Variants in PCNX4 observed in about 807,000 individuals in gnomAD.
The protein encoded by PCNX4 is pecanex-like protein 4.
Under a neutral mutation model 107.2 loss-of-function variants are expected in PCNX4, and 103 were observed. The ratio of observed to expected loss-of-function variants is 0.96; its 90% CI spans 0.82 to 1.13. The LOEUF (loss-of-function observed/expected upper bound fraction) is 1.13. Ranked by LOEUF, PCNX4 falls within the 50% of genes most tolerant of loss-of-function variation. The pLI, the probability that PCNX4 is intolerant of heterozygous loss-of-function variation, is 0.00. For missense variants in PCNX4, 1,528 were observed against 1,379.4 expected (o/e 1.11, Z -1.71); for synonymous variants, 541 against 481.7 (o/e 1.12, Z -1.61).
chr14:60,130,671 A>G (rs1372181937), intron 10 of PCNX4, among the ~76,000 whole-genome samples: 2 of 152,196 alleles, frequency 1.3e-5, no homozygotes, highest in African/African-American at 2.4e-5. Flanking sequence ...AACATATAGG[A>G]ATGTAATTTG....
chr14:60,112,964 A>G (rs1895767252), intron 2 of PCNX4, among the ~76,000 whole-genome samples: 3 of 152,214 alleles, frequency 2.0e-5, no homozygotes, highest in Admixed American at 6.5e-5. Context: ...CAGGCGGATA[A>G]CGAGGTCAAG....
intron 1 of PCNX4, among the ~76,000 whole-genome samples, chr14:60,095,203 G>T (rs1324048299): frequency 6.6e-6 from 1 of 152,184 alleles, no homozygotes; most frequent in Non-Finnish European, 1.5e-5. Context: ...TAAGAGGTGG[G>T]TAGGGGCAAA....
rs1227252504 is a variant in PCNX4, at chr14:60,140,181, T to C, written c.*5960T>C. On this transcript the variant is annotated 3_prime_UTR_variant, in exon 11 of 11. Transcript: ENST00000406854. This position sits in a 1 kb window ranked among gnomAD's most constrained non-coding sequence, Gnocchi z 4.2. ...ACAACCAATATCAGGAATGAAAGGA[T>C]ATTACAAATCCTAGAGTCATCTGAC... 4 of 152,166 alleles carry C rather than the reference T, an allele frequency of 2.6e-5. No individual in the cohort carries two copies. The highest frequency in any genetic ancestry group is 2.6e-4 in the Admixed American group (4 of 15,278). 9.4% of individuals were successfully genotyped at this position (152,166 alleles called of 1,614,324 possible). A position where few individuals can be genotyped will look rare whatever the true frequency, so the allele number is the denominator to read the frequency against.
chr14:60,094,655 C>T (rs1895385575), intron 1 of PCNX4, among the ~76,000 whole-genome samples: 1 of 151,334 alleles, frequency 6.6e-6, no homozygotes, highest in African/African-American at 2.5e-5. Flanking sequence ...CAGACCCCTC[C>T]TGCCCATACC....
At chr14:60,113,515 C>T (rs1295656355) in intron 2 of PCNX4, among the ~76,000 whole-genome samples, 1 of 151,974 alleles carries the variant, frequency 6.6e-6, no homozygotes, top group East Asian at 1.9e-4. Flanking sequence ...ATTACAGGCA[C>T]CCACCACCAC....
chr14:60,096,277 G>A (rs983269684), intron 1 of PCNX4, among the ~76,000 whole-genome samples: 2 of 152,124 alleles, frequency 1.3e-5, no homozygotes, highest in African/African-American at 4.8e-5. Context: ...AAAGCCATAC[G>A]GTTTTGCAGC....
intron 4 of PCNX4, 44 bp downstream of exon 4, chr14:60,115,505 C>T: frequency 2.0e-6 from 3 of 1,495,738 alleles, no homozygotes; most frequent in Non-Finnish European, 2.7e-6. Flanking sequence ...AAATCATATC[C>T]TGGAAGTATT....
chr14:60,130,667 T>C (rs1896138114), intron 10 of PCNX4, among the ~76,000 whole-genome samples: 1 of 152,146 alleles, frequency 6.6e-6, no homozygotes, highest in East Asian at 1.9e-4. Flanking sequence ...CTATAACATA[T>C]AGGAATGTAA....
In PCNX4 at chr14:60,143,838, C is replaced by T. The variant is rs1566526938; in HGVS notation, c.*9617C>T. Reference sequence around the variant, plus strand: ...TAGATAAGGACCATGTTTTTCTTTACCTGTTACTCCTGCTGATTTCCTATT... The same window carrying T: ...TAGATAAGGACCATGTTTTTCTTTATCTGTTACTCCTGCTGATTTCCTATT... On this transcript the variant is annotated 3_prime_UTR_variant, in exon 11 of 11. Transcript: ENST00000406854. 1 of 152,200 alleles carries T rather than the reference C, an allele frequency of 6.6e-6. No homozygotes were observed. 9.4% of individuals were successfully genotyped at this position (152,200 alleles called of 1,614,324 possible). A position where few individuals can be genotyped will look rare whatever the true frequency, so the allele number is the denominator to read the frequency against.
intron 10 of PCNX4, among the ~76,000 whole-genome samples, chr14:60,130,702 G>A (rs1896138791): frequency 6.6e-6 from 1 of 152,116 alleles, no homozygotes; most frequent in Non-Finnish European, 1.5e-5. Flanking sequence ...CACAAAGGAA[G>A]CCAGTAGAGG....
In PCNX4 at chr14:60,117,924, G is replaced by A. The variant is rs77598492; in HGVS notation, c.1579-405G>A. ...GCCATCTGAGCCTCAGCTTCTCTCTGTGGGTAGTTTTTAAATTATTCAATC... is the reference window on the plus strand; with the variant it reads ...GCCATCTGAGCCTCAGCTTCTCTCTATGGGTAGTTTTTAAATTATTCAATC... On this transcript the variant is annotated intron_variant, in intron 6 of 10. Transcript: ENST00000406854. Among the ~76,000 whole-genome samples the A allele has an allele frequency of 6.5e-3, 994 of 152,238 alleles. 12 individuals carry two copies. Among genetic ancestry groups the A allele is most frequent in the African/African-American group, 0.023 (944 of 41,556 alleles).
chr14:60,094,291 G>T (rs1166706049), intron 1 of PCNX4, among the ~76,000 whole-genome samples: 1 of 138,000 alleles, frequency 7.2e-6, no homozygotes, highest in Admixed American at 7.8e-5. Flanking sequence ...ATTCCTCTTG[G>T]ACCCACTTTT....
In PCNX4 at chr14:60,137,718, T is replaced by C. The variant is rs1896255800; in HGVS notation, c.*3497T>C. The C allele has an allele frequency of 6.6e-6, 1 of 152,128 alleles. No homozygotes were observed. The highest frequency in any genetic ancestry group is 1.5e-5 in the Non-Finnish European group (1 of 68,022). 9.4% of individuals were successfully genotyped at this position (152,128 alleles called of 1,614,324 possible). A position where few individuals can be genotyped will look rare whatever the true frequency, so the allele number is the denominator to read the frequency against. Reference sequence around the variant, plus strand: ...GATCTAAAACACAAGATTGAGAATTTCAGCAGAAAATCAGAAACTATATAG... The same window carrying C: ...GATCTAAAACACAAGATTGAGAATTCCAGCAGAAAATCAGAAACTATATAG... On this transcript the variant is annotated 3_prime_UTR_variant, in exon 11 of 11. Transcript: ENST00000406854.
chr14:60,121,086 C>T (rs1480418948), intron 7 of PCNX4, 110 bp from the exon 8 acceptor site: 17 of 1,316,748 alleles, frequency 1.3e-5, no homozygotes, highest in South Asian at 6.5e-5. Context: ...GGGTAGGAGT[C>T]GTGAATCAGT....
rs547835037 is a variant in PCNX4, at chr14:60,124,307, A to G, written c.2136A>G (p.Thr712=). The change falls in exon 9 of 11, where the codon ACA becomes ACG. Residue 712 remains threonine (T), a synonymous_variant. Coordinates refer to ENST00000406854, the MANE Select transcript of PCNX4 (RefSeq NM_001330177.2). ...VFEDAFEQEY[T]RVCSLNEHFG... is the part of the protein sequence containing the mutation. ...AAGATGCTTTTGAGCAAGAATACAC[A>G]AGAGTATGTTCCCTTAATGAACACT... 2 of 1,610,708 alleles carry G rather than the reference A, an allele frequency of 1.2e-6. No homozygotes were observed. The highest frequency in any genetic ancestry group is 2.2e-5 in the South Asian group (2 of 90,668).
At chr14:60,130,244 G>A (rs920937355) in intron 10 of PCNX4, among the ~76,000 whole-genome samples, 1 of 151,432 alleles carries the variant, frequency 6.6e-6, no homozygotes, top group Non-Finnish European at 1.5e-5. Context: ...GGAGGCTGAA[G>A]TGGGAAGATT....
At position 60,121,242 on chromosome 14, in the gene PCNX4, T is replaced by G; in HGVS notation, c.1989T>G (p.Arg663=). The part of the protein sequence containing the change: ...GSHYLGRFQD[R]LMWIMILECG... The stretch of plus-strand genomic sequence containing the variant: ...ATTACTTGGGCCGTTTTCAGGATCG[T>G]TTAATGTGGATAATGATTCTGGAAT... Residue 663 remains arginine, a synonymous_variant, in exon 8 of 11, where the codon CGT becomes CGG. Coordinates refer to ENST00000406854, the MANE Select transcript of PCNX4 (RefSeq NM_001330177.2). 6.2e-7 allele frequency: 1 copy of G among 1,609,768 alleles called. No individual in the cohort carries two copies. Among genetic ancestry groups the G allele is most frequent in the Non-Finnish European group, 8.5e-7 (1 of 1,177,658 alleles).
rs1384547314 is a variant in PCNX4 at position 60,125,824 on chromosome 14, G to A, written c.3267+1G>A. 1.9e-6 allele frequency: 3 copies of A among 1,587,594 alleles called. No individual in the cohort carries two copies. The highest frequency in any genetic ancestry group is 1.9e-5 in the Admixed American group (1 of 53,886). ...TTCTCTGGGGTATGATTCTAATATG[G>A]TAAGGTTAAAAAATTTTTAAACTTA... On this transcript the variant is annotated splice_donor_variant, in intron 10 of 10. Transcript: ENST00000406854. LOFTEE classifies it high-confidence loss of function.
chr14:60,144,324 A>G lies in PCNX4; in HGVS notation c.*10103A>G, dbSNP rs1896345319. On this transcript the variant is annotated 3_prime_UTR_variant, in exon 11 of 11. Coordinates refer to ENST00000406854, the MANE Select transcript of PCNX4 (RefSeq NM_001330177.2). ...AAATATTCTATACATTTATGTTGCT[A>G]TGGTTTGGATGTTTTTGTCCCCTCC... The G allele has an allele frequency of 6.6e-6, 1 of 152,388 alleles. No homozygotes were observed. Among genetic ancestry groups the G allele is most frequent in the Non-Finnish European group, 1.5e-5 (1 of 68,188 alleles). The allele number at this position is 152,388 out of a possible 1,614,324, so 9.4% of individuals were successfully genotyped here.
Sources: allele counts gnomAD v4.1 joint callset (sites outside exome capture counted in the v4.1 genomes callset), GRCh38; gene constraint gnomAD v4.1.1; non-coding constraint Gnocchi (gnomAD v3.1); transcripts MANE v1.5; gene names NCBI Gene and HGNC (gene_info 2026-07-23, HGNC 2026-07-21).